Variants in GATAD2A observed in about 807,000 individuals in gnomAD.
The protein encoded by GATAD2A is GATA zinc finger domain containing 2A.
A neutral mutation model predicts 68.5 loss-of-function variants in GATAD2A; 12 were observed. The ratio of observed to expected loss-of-function variants is 0.18; its 90% CI spans 0.11 to 0.28. The LOEUF is 0.28. GATAD2A is among the 10% of genes least tolerant of loss of function. The probability of loss-of-function intolerance (pLI) is 1.00; values close to 1 mark genes in which losing one functional copy is unlikely to be tolerated. For synonymous variants in GATAD2A, 410 were observed against 375.3 expected, an observed-to-expected ratio of 1.09 and a Z score of -1.07; for missense variants, 755 against 868.5, an observed-to-expected ratio of 0.87 and a Z score of 1.64.
At chr19:19,452,606 G>A (rs967524629) in intron 1 of GATAD2A, among the ~76,000 whole-genome samples, 2 of 151,642 alleles carry the variant, frequency 1.3e-5, no homozygotes, top group Non-Finnish European at 2.9e-5. Flanking sequence ...GTGACGTGCA[G>A]AATTGAAGGA....
intron 1 of GATAD2A, among the ~76,000 whole-genome samples, chr19:19,462,047 T>C (rs898131256): frequency 6.6e-6 from 1 of 152,198 alleles, no homozygotes; most frequent in African/African-American, 2.4e-5. Context: ...AATTTTGAAA[T>C]GAATCCTCAT....
At chr19:19,422,760 G>A in intron 1 of GATAD2A, among the ~76,000 whole-genome samples, 1 of 149,238 alleles carries the variant, frequency 6.7e-6, no homozygotes, top group African/African-American at 2.5e-5. Context: ...CACCCAGGCT[G>A]GAGTGCAGTG....
chr19:19,429,683 C>T (rs1029775112), intron 1 of GATAD2A, among the ~76,000 whole-genome samples: 28 of 151,746 alleles, frequency 1.8e-4, no homozygotes, highest in African/African-American at 6.8e-4. Flanking sequence ...CAGGCAGGGG[C>T]AGACCAGGGG....
chr19:19,414,639 C>A (rs1057502189), intron 1 of GATAD2A, among the ~76,000 whole-genome samples: 4 of 145,520 alleles, frequency 2.7e-5, no homozygotes, highest in African/African-American at 1.0e-4. Context: ...ACGGTTCAAG[C>A]GATTCTTGTG....
chr19:19,421,315 T>C (rs933814363), intron 1 of GATAD2A, among the ~76,000 whole-genome samples: 1 of 152,018 alleles, frequency 6.6e-6, no homozygotes, highest in Non-Finnish European at 1.5e-5. Context: ...TGAAAGCCAG[T>C]TGAATGGATG....
chr19:19,468,918 A>G (rs753274685), intron 2 of GATAD2A, among the ~76,000 whole-genome samples: 1 of 152,224 alleles, frequency 6.6e-6, no homozygotes, highest in Non-Finnish European at 1.5e-5. Context: ...CTGGAAGCCA[A>G]CCAAAGGCTT....
Position 19,436,199 on chromosome 19 carries a change from C to T in GATAD2A, c.-6-29141C>T, listed in dbSNP as rs898276294. 17 of 1,365,622 alleles carry T rather than the reference C, an allele frequency of 1.2e-5. No individual in the cohort carries two copies. The African/African-American group carries it at 2.2e-4, about 18-fold the overall frequency. 84.6% of individuals were successfully genotyped at this position (1,365,622 alleles called of 1,614,324 possible). A position where few individuals can be genotyped will look rare whatever the true frequency, so the allele number is the denominator to read the frequency against. On this transcript the variant is annotated intron_variant, in intron 1 of 11. Transcript: ENST00000683918. ...GGCCATGGCCAACTGGTAGGACCAGCACCCCATACCCCGAAGCCAGGTGAG... is the reference window on the plus strand; with the variant it reads ...GGCCATGGCCAACTGGTAGGACCAGTACCCCATACCCCGAAGCCAGGTGAG...
At chr19:19,499,691 A>G (rs966621099) in intron 8 of GATAD2A, among the ~76,000 whole-genome samples, 1 of 152,002 alleles carries the variant, frequency 6.6e-6, no homozygotes, top group Non-Finnish European at 1.5e-5. Flanking sequence ...CCCAAGAGGC[A>G]GAGCTCTCCA....
chr19:19,425,840 A>C (rs1422112717), intron 1 of GATAD2A, among the ~76,000 whole-genome samples: 1 of 150,520 alleles, frequency 6.6e-6, no homozygotes, highest in Non-Finnish European at 1.5e-5. Flanking sequence ...CCCAGGCTGG[A>C]CTGCAGTGGC....
chr19:19,508,849 CA>C lies in GATAD2A; in HGVS notation c.*3376del, dbSNP rs1185354239. On this transcript the variant is annotated 3_prime_UTR_variant, in exon 12 of 12. Coordinates refer to ENST00000683918, the MANE Select transcript of GATAD2A (RefSeq NM_001384528.1). ...AGATGGGAATAGAAGTTCCAATAAG[CA>C]GGCTGGAATGGGTGGCTATACGTTG... 4 of 152,124 alleles carry C rather than the reference CA, an allele frequency of 2.6e-5. No individual in the cohort carries two copies. Among genetic ancestry groups the C allele is most frequent in the Non-Finnish European group, 5.9e-5 (4 of 68,026 alleles). 9.4% of individuals were successfully genotyped at this position (152,124 alleles called of 1,614,324 possible). A position where few individuals can be genotyped will look rare whatever the true frequency, so the allele number is the denominator to read the frequency against.
chr19:19,496,612 G>A (rs1388057981), intron 7 of GATAD2A, among the ~76,000 whole-genome samples: 1 of 152,212 alleles, frequency 6.6e-6, no homozygotes, highest in East Asian at 1.9e-4. Context: ...GGGCACCGGA[G>A]CCCATGCCGC....
chr19:19,392,865 T>G (rs1599963315), intron 1 of GATAD2A, among the ~76,000 whole-genome samples: 1 of 152,030 alleles, frequency 6.6e-6, no homozygotes, highest in East Asian at 1.9e-4. Context: ...CTCAGCTGAT[T>G]TTTGTATTTT....
intron 2 of GATAD2A, among the ~76,000 whole-genome samples, chr19:19,472,167 G>T (rs939085546): frequency 1.3e-5 from 2 of 152,198 alleles, no homozygotes; most frequent in Non-Finnish European, 2.9e-5. Context: ...AAAGTGCTGG[G>T]ATTATAGATG....
intron 1 of GATAD2A, among the ~76,000 whole-genome samples, chr19:19,419,766 T>G (rs1051243295): frequency 6.6e-6 from 1 of 152,064 alleles, no homozygotes; most frequent in African/African-American, 2.4e-5. Context: ...TCCGCCTGCC[T>G]TGGCCTCCCA....
At chr19:19,455,888 C>T (rs2056877601) in intron 1 of GATAD2A, among the ~76,000 whole-genome samples, 1 of 152,256 alleles carries the variant, frequency 6.6e-6, no homozygotes, top group South Asian at 2.1e-4. Flanking sequence ...TGGTGGCTTA[C>T]GCCTGTAATC....
intron 1 of GATAD2A, among the ~76,000 whole-genome samples, chr19:19,387,280 C>T (rs1013728329): frequency 6.6e-6 from 1 of 151,756 alleles, no homozygotes; most frequent in African/African-American, 2.4e-5. Flanking sequence ...CTCCCCACCC[C>T]CACCTCTCTC....
chr19:19,472,673 C>G (rs1439175641), intron 2 of GATAD2A: 1 of 151,664 alleles, frequency 6.6e-6, no homozygotes, highest in African/African-American at 2.4e-5. Context: ...GCACGTTGCT[C>G]AGTAAAAATG....
chr19:19,446,013 G>A (rs1411547821), intron 1 of GATAD2A, among the ~76,000 whole-genome samples: 2 of 152,138 alleles, frequency 1.3e-5, no homozygotes, highest in Non-Finnish European at 2.9e-5. Flanking sequence ...GGAACTCTGC[G>A]TTTAACTTTT....
At chr19:19,427,093 C>T (rs1210693772) in intron 1 of GATAD2A, among the ~76,000 whole-genome samples, 5 of 149,232 alleles carry the variant, frequency 3.4e-5, no homozygotes, top group African/African-American at 1.2e-4. Flanking sequence ...CTCTCAAATT[C>T]TTAAAGACAG....
Sources: allele counts gnomAD v4.1 joint callset (sites outside exome capture counted in the v4.1 genomes callset), GRCh38; gene constraint gnomAD v4.1.1; transcripts MANE v1.5; gene names NCBI Gene and HGNC (gene_info 2026-07-23, HGNC 2026-07-21).